SH2B2: variants seen among roughly 807,000 people sequenced by gnomAD.
SH2B2 encodes the protein SH2B adaptor protein 2, also known as SH2B adapter protein 2.
A neutral mutation model predicts 35.7 loss-of-function variants in SH2B2; 37 were observed. That is an observed-to-expected ratio of 1.04 (90% CI 0.80 to 1.36). The LOEUF is 1.36. Ranked by LOEUF, SH2B2 falls within the 40% of genes most tolerant of loss-of-function variation. The pLI, the probability that SH2B2 is intolerant of heterozygous loss-of-function variation, is 0.00. For missense variants in SH2B2, 852 were observed against 817.7 expected (o/e 1.04, Z -0.51); for synonymous variants, 383 against 376.4 (o/e 1.02, Z -0.20).
Position 102,306,761 on chromosome 7 carries a change from T to G in SH2B2, c.770T>G (p.Ile257Ser). ...PKVSIPLSAI[I>S]EVRTTMPLEM... is the part of the protein sequence containing the mutation. ...GTCAGCATCCCACTGTCAGCCATCATTGAGGTCCGCACCACCATGCCCCTG... is the reference window on the plus strand; with the variant it reads ...GTCAGCATCCCACTGTCAGCCATCAGTGAGGTCCGCACCACCATGCCCCTG... The change falls in exon 3 of 9, where the codon ATT (isoleucine) becomes AGT (serine). Residue 257 changes from isoleucine to serine, a missense_variant. This residue lies in a region of SH2B2 where 556 missense variants were observed against 514.5 expected (regional missense o/e 1.08). Coordinates refer to ENST00000444095, the MANE Select transcript of SH2B2 (RefSeq NM_001359228.2). 6.2e-7 allele frequency: 1 copy of G among 1,601,318 alleles called. No individual in the cohort carries two copies. The highest frequency in any genetic ancestry group is 1.1e-5 in the South Asian group (1 of 88,312).
At chr7:102,314,738 C>G in intron 6 of SH2B2, 56 bp downstream of exon 6, 3 of 398,774 alleles carry the variant, frequency 7.5e-6, no homozygotes. Context: ...CCCCCACCCC[C>G]AGCCATGGCC....
chr7:102,307,268 G>A (rs2694149), intron 3 of SH2B2, among the ~76,000 whole-genome samples: 1 of 152,322 alleles, frequency 6.6e-6, no homozygotes, highest in South Asian at 2.1e-4. Flanking sequence ...GAGGCACCCC[G>A]GTGGGTCTAG....
In SH2B2 at chr7:102,290,776, T is replaced by C. The variant is rs370766391; in HGVS notation, c.-30+3682T>C. Reference sequence around the variant, plus strand: ...TTAACAGGGGCATGGCCCACTGAAATGTGGGTTCTAGAACGCTGACCTTGG... The same window carrying C: ...TTAACAGGGGCATGGCCCACTGAAACGTGGGTTCTAGAACGCTGACCTTGG... On this transcript the variant is annotated intron_variant, in intron 1 of 8. Coordinates refer to ENST00000444095, the MANE Select transcript of SH2B2 (RefSeq NM_001359228.2). Among the ~76,000 whole-genome samples the C allele has an allele frequency of 5.9e-5, 9 of 152,214 alleles. No homozygotes were observed. The East Asian group carries it at 1.7e-3, about 29-fold the overall frequency.
rs3810767 is a variant in SH2B2 at position 102,295,067 on chromosome 7, C to T, written c.-29-5455C>T. On this transcript the variant is annotated intron_variant, in intron 1 of 8. Coordinates refer to ENST00000444095, the MANE Select transcript of SH2B2 (RefSeq NM_001359228.2). Reference sequence around the variant, plus strand: ...GTGAGGGCCACCTGAGACCCACCTGCGAGAGCCTCCCCCAGGGCCCTGTCC... The same window carrying T: ...GTGAGGGCCACCTGAGACCCACCTGTGAGAGCCTCCCCCAGGGCCCTGTCC... 7.6e-3 allele frequency among the ~76,000 whole-genome samples: 1,161 copies of T among 152,302 alleles called. 14 individuals are homozygous for T. The highest frequency in any genetic ancestry group is 0.026 in the African/African-American group (1,093 of 41,558).
In SH2B2 at chr7:102,297,519, T is replaced by C. The variant is rs1411385973; in HGVS notation, c.-29-3003T>C. On this transcript the variant is annotated intron_variant, in intron 1 of 8. Transcript: ENST00000444095. This position sits in a 1 kb window ranked among gnomAD's most constrained non-coding sequence, Gnocchi z 4.3. ...CCCCTTGAACGAGAGGGAACTACCA[T>C]ATTTGATCCACACTAGGAGGAGACC... Among the ~76,000 whole-genome samples, 1 of 151,936 alleles carries C rather than the reference T, an allele frequency of 6.6e-6. No homozygotes were observed. The highest frequency in any genetic ancestry group is 1.5e-5 in the Non-Finnish European group (1 of 67,994).
chr7:102,298,258 GT>G (rs1793000599), intron 1 of SH2B2, among the ~76,000 whole-genome samples: 1 of 152,074 alleles, frequency 6.6e-6, no homozygotes, highest in Admixed American at 6.6e-5. Flanking sequence ...TTGGTTTTGG[GT>G]TTTTGTTTTT....
chr7:102,291,252 G>A (rs1298834924), intron 1 of SH2B2, among the ~76,000 whole-genome samples: 1 of 152,192 alleles, frequency 6.6e-6, no homozygotes, highest in Non-Finnish European at 1.5e-5. Context: ...GCAAAAGCCG[G>A]GGGGCTCAGC....
chr7:102,317,467 C>T (rs1212201681), intron 7 of SH2B2, 72 bp downstream of exon 7: 7 of 1,355,484 alleles, frequency 5.2e-6, no homozygotes, highest in Non-Finnish European at 5.9e-6. Flanking sequence ...TGACCCCGGT[C>T]CTGAGGCTGT....
At chr7:102,302,627 ACT>A (rs1256015553) in intron 2 of SH2B2, among the ~76,000 whole-genome samples, 1 of 152,210 alleles carries the variant, frequency 6.6e-6, no homozygotes, top group Non-Finnish European at 1.5e-5. Context: ...GCACAGACAC[ACT>A]GTCATCCTCT....
chr7:102,304,167 T>G (rs1274491431), intron 2 of SH2B2, among the ~76,000 whole-genome samples: 1 of 152,164 alleles, frequency 6.6e-6, no homozygotes. Flanking sequence ...CCAGATCTCT[T>G]GCCTCCAAGA....
chr7:102,309,027 C>A (rs147837958), intron 4 of SH2B2, 121 bp downstream of exon 4: 3 of 817,586 alleles, frequency 3.7e-6, no homozygotes, highest in Admixed American at 1.7e-5. Context: ...CAATTCAATG[C>A]GATTCAGGTT....
At chr7:102,293,562 A>G (rs1586567639) in intron 1 of SH2B2, among the ~76,000 whole-genome samples, 1 of 148,104 alleles carries the variant, frequency 6.8e-6, no homozygotes, top group Non-Finnish European at 1.5e-5. Context: ...GGATGGGGGG[A>G]GGGTGGTCTA....
At chr7:102,309,140 G>A in intron 4 of SH2B2, 1 of 641,292 alleles carries the variant, frequency 1.6e-6, no homozygotes, top group Non-Finnish European at 2.9e-6. Flanking sequence ...GGACCTGGAA[G>A]GAAGTTGGAC....
At position 102,291,873 on chromosome 7, in the gene SH2B2, C is replaced by T. The variant is rs912900974; in HGVS notation, c.-30+4779C>T. 7.2e-5 allele frequency among the ~76,000 whole-genome samples: 11 copies of T among 152,090 alleles called. No individual in the cohort carries two copies. In the East Asian group the frequency reaches 1.2e-3, roughly 16 times the overall value. On this transcript the variant is annotated intron_variant, in intron 1 of 8. Coordinates refer to ENST00000444095, the MANE Select transcript of SH2B2 (RefSeq NM_001359228.2). ...TCAGCGGGTGGGAGTCACTCCAGGC[C>T]GGAGGGATGACCTGCCCAAAGAGCA...
At chr7:102,287,305 G>A (rs1352288264) in intron 1 of SH2B2, among the ~76,000 whole-genome samples, 1 of 151,992 alleles carries the variant, frequency 6.6e-6, no homozygotes, top group African/African-American at 2.4e-5. Flanking sequence ...TCTGCTCCCC[G>A]ATCCCCATCC....
intron 1 of SH2B2, among the ~76,000 whole-genome samples, chr7:102,291,889 C>T (rs976239248): frequency 3.3e-5 from 5 of 152,110 alleles, no homozygotes; most frequent in Non-Finnish European, 5.9e-5. Context: ...GATGACCTGC[C>T]CAAAGAGCAT....
intron 1 of SH2B2, among the ~76,000 whole-genome samples, chr7:102,292,405 C>T (rs905252846): frequency 1.1e-4 from 17 of 152,122 alleles, no homozygotes; most frequent in Non-Finnish European, 1.9e-4. Flanking sequence ...GTAGGACGCA[C>T]CTATAGTCCC....
In SH2B2 at chr7:102,299,057, G is replaced by A. The variant is rs558883284; in HGVS notation, c.-29-1465G>A. ...TGCTTCAGCCTGTGCCTGCCCCCACGCCCGGCTAATTTTCTGTATTTTTAG... is the reference window on the plus strand; with the variant it reads ...TGCTTCAGCCTGTGCCTGCCCCCACACCCGGCTAATTTTCTGTATTTTTAG... On this transcript the variant is annotated intron_variant, in intron 1 of 8. Transcript: ENST00000444095. Among the ~76,000 whole-genome samples the A allele has an allele frequency of 2.0e-5, 3 of 147,868 alleles. No individual in the cohort carries two copies. The Admixed American group carries it at 2.0e-4, about 10-fold the overall frequency.
chr7:102,299,080 T>C (rs1793039160), intron 1 of SH2B2, among the ~76,000 whole-genome samples: 1 of 149,826 alleles, frequency 6.7e-6, no homozygotes, highest in South Asian at 2.1e-4. Context: ...TCTGTATTTT[T>C]AGTAGAGATG....
Sources: allele counts gnomAD v4.1 joint callset (sites outside exome capture counted in the v4.1 genomes callset), GRCh38; gene constraint gnomAD v4.1.1; regional missense constraint gnomAD v4.1.1; non-coding constraint Gnocchi (gnomAD v3.1); transcripts MANE v1.5; gene names NCBI Gene and HGNC (gene_info 2026-07-23, HGNC 2026-07-21).